FAM53A: variants seen among roughly 807,000 people sequenced by gnomAD.
The protein encoded by FAM53A is protein FAM53A.
Under a neutral mutation model 26.6 loss-of-function variants are expected in FAM53A, and 28 were observed. That is an observed-to-expected ratio of 1.05 (90% CI 0.78 to 1.45). The LOEUF (loss-of-function observed/expected upper bound fraction) is 1.45. FAM53A is among the 40% of genes most tolerant of loss of function. The probability of loss-of-function intolerance (pLI) is 0.00; values close to 1 mark genes in which losing one functional copy is unlikely to be tolerated. For synonymous variants in FAM53A, 290 were observed against 253.1 expected, an observed-to-expected ratio of 1.15 and a Z score of -1.38; for missense variants, 650 against 575.8, an observed-to-expected ratio of 1.13 and a Z score of -1.32.
chr4:1,673,838 C>T (rs1009782083), intron 1 of FAM53A, among the ~76,000 whole-genome samples: 7 of 152,256 alleles, frequency 4.6e-5, no homozygotes, highest in Non-Finnish European at 7.3e-5. Context: ...CTCTGGCACG[C>T]GGGAGGCGCA....
At chr4:1,596,026 TC>T in the FAM53A span, among the ~76,000 whole-genome samples, 3 of 152,228 alleles carry the variant, frequency 2.0e-5, no homozygotes, top group Non-Finnish European at 4.4e-5. Context: ...AGAGTGGCCG[TC>T]CAGCCTCTGC....
At chr4:1,662,649 CA>C (rs34936313) in intron 2 of FAM53A, among the ~76,000 whole-genome samples, 89,627 of 104,492 alleles carry the variant, frequency 0.86, 38,573 homozygotes, top group East Asian at 0.96. Context: ...GGCCCTGTCT[CA>C]AAAAAAAAAA....
downstream of FAM53A, among the ~76,000 whole-genome samples, chr4:1,616,934 C>T (rs922131513): frequency 6.6e-6 from 1 of 152,138 alleles, no homozygotes; most frequent in Non-Finnish European, 1.5e-5. Context: ...ATCAGGAGTT[C>T]AAGACCAGCT....
At chr4:1,624,051 T>A (rs1016549489) in intron 1 of FAM53A, among the ~76,000 whole-genome samples, 21 of 152,184 alleles carry the variant, frequency 1.4e-4, no homozygotes, top group African/African-American at 5.1e-4. Context: ...GGGCAGGCTG[T>A]GGGTGGCCTG....
chr4:1,656,564 G>A (rs1018968047), intron 3 of FAM53A, among the ~76,000 whole-genome samples: 1 of 152,160 alleles, frequency 6.6e-6, no homozygotes, highest in Non-Finnish European at 1.5e-5. Context: ...GAGGAGTGTA[G>A]GAAGCGCTGC....
At chr4:1,606,726 C>T in the FAM53A span, among the ~76,000 whole-genome samples, 2 of 152,330 alleles carry the variant, frequency 1.3e-5, no homozygotes, top group South Asian at 2.1e-4. Flanking sequence ...GTCTACTGCA[C>T]GGATGGACCC....
intron 2 of FAM53A, among the ~76,000 whole-genome samples, chr4:1,667,451 A>C (rs541512195): frequency 2.6e-5 from 4 of 152,310 alleles, no homozygotes; most frequent in Admixed American, 2.6e-4. Flanking sequence ...TACTAATTAC[A>C]GGACACAGCC....
intron 1 of FAM53A, among the ~76,000 whole-genome samples, chr4:1,671,193 C>T (rs531781750): frequency 1.4e-4 from 21 of 149,734 alleles, no homozygotes; most frequent in African/African-American, 5.2e-4. Flanking sequence ...AGCCACAGCC[C>T]GGACTCACCT....
chr4:1,675,277 G>A (rs1199187579), intron 1 of FAM53A, among the ~76,000 whole-genome samples: 1 of 152,090 alleles, frequency 6.6e-6, no homozygotes, highest in Non-Finnish European at 1.5e-5. Flanking sequence ...GACCCAGCAA[G>A]AACAAAGAGG....
At chr4:1,577,028 C>A in the FAM53A span, among the ~76,000 whole-genome samples, 1 of 144,534 alleles carries the variant, frequency 6.9e-6, no homozygotes, top group Non-Finnish European at 1.5e-5. Context: ...GCCCTCTGTG[C>A]ATCTGGTAGT....
At chr4:1,649,574 C>T (rs1712565648) in intron 4 of FAM53A, among the ~76,000 whole-genome samples, 1 of 152,264 alleles carries the variant, frequency 6.6e-6, no homozygotes, top group South Asian at 2.1e-4. Context: ...CGCTCATGCC[C>T]ACTGGGGTCA....
intron 1 of FAM53A, among the ~76,000 whole-genome samples, chr4:1,676,101 C>T (rs1417585602): frequency 6.6e-6 from 1 of 152,196 alleles, no homozygotes; most frequent in Non-Finnish European, 1.5e-5. Context: ...TTTGTAGAGC[C>T]ATGAATTAGC....
At chr4:1,606,900 C>T in the FAM53A span, among the ~76,000 whole-genome samples, 4 of 152,244 alleles carry the variant, frequency 2.6e-5, no homozygotes, top group Admixed American at 6.5e-5. Context: ...TTCTGTTTAA[C>T]GTTTTGGAAG....
chr4:1,611,308 G>A, the FAM53A span, among the ~76,000 whole-genome samples: 1 of 152,198 alleles, frequency 6.6e-6, no homozygotes, highest in Non-Finnish European at 1.5e-5. Flanking sequence ...CCCCTGGCTG[G>A]AGGGGGGCCC....
chr4:1,630,320 T>C lies in FAM53A; in HGVS notation c.432-12209A>G. Among the ~76,000 whole-genome samples, 1 of 152,226 alleles carries C rather than the reference T, an allele frequency of 6.6e-6. No individual in the cohort carries two copies. On this transcript the variant is annotated intron_variant, in intron 1 of 1. Transcript: ENST00000489029. The surrounding 1 kb of genome is among the most constrained non-coding windows in gnomAD (Gnocchi z 4.3). ...GCCCACCTTGGTGTTGTGGCCCCCA[T>C]GGTGTCTGCTGAGACCACTCACCTC... is the stretch of plus-strand genomic sequence containing the variant.
the FAM53A span, among the ~76,000 whole-genome samples, chr4:1,605,441 C>T: frequency 5.9e-5 from 9 of 152,320 alleles, no homozygotes; most frequent in Middle Eastern, 3.4e-3. This position sits in a 1 kb window ranked among gnomAD's most constrained non-coding sequence, Gnocchi z 5.7. Context: ...GACCCTGCAC[C>T]CAGCTTCCAG....
chr4:1,653,815 T>C (rs1197367936), intron 4 of FAM53A, among the ~76,000 whole-genome samples: 2 of 152,182 alleles, frequency 1.3e-5, no homozygotes, highest in Non-Finnish European at 1.5e-5. Flanking sequence ...CCCTGGGGGA[T>C]CCCACCTGGC....
intron 1 of FAM53A, among the ~76,000 whole-genome samples, chr4:1,669,687 C>T (rs945711362): frequency 1.3e-5 from 2 of 152,224 alleles, no homozygotes; most frequent in Admixed American, 1.3e-4. Flanking sequence ...CCAAAACAGA[C>T]AAGGTGCAAA....
At chr4:1,587,457 A>G in the FAM53A span, among the ~76,000 whole-genome samples, 2 of 152,166 alleles carry the variant, frequency 1.3e-5, no homozygotes, top group African/African-American at 4.8e-5. Context: ...AGATCATTTG[A>G]GGCCAGGAGT....
Sources: gnomAD v4.1 joint callset for allele counts (sites outside exome capture counted in the v4.1 genomes callset) on GRCh38, gnomAD v4.1.1 for gene constraint, Gnocchi (gnomAD v3.1) non-coding constraint, MANE v1.5 for transcripts, NCBI Gene and HGNC (gene_info 2026-07-23, HGNC 2026-07-21) for gene names.